Variants in CHST3 observed in about 807,000 individuals in gnomAD.
CHST3 encodes the protein carbohydrate sulfotransferase 3.
CHST3 carries 20 observed loss-of-function variants against 35.4 expected under a neutral mutation model. That is an observed-to-expected ratio of 0.57 (90% CI 0.40 to 0.82). The LOEUF (loss-of-function observed/expected upper bound fraction) is 0.82, where lower values mean the gene tolerates loss of function less well. Ranked by LOEUF, CHST3 falls within the 40% of genes least tolerant of loss-of-function variation. The pLI, the probability that CHST3 is intolerant of heterozygous loss-of-function variation, is 0.00. For synonymous variants in CHST3, 334 were observed against 295.9 expected (o/e 1.13, Z -1.32); for missense variants, 693 against 670.1 (o/e 1.03, Z -0.38).
At position 72,008,268 on chromosome 10, in the gene CHST3, G is replaced by T. The variant is rs1315027057; in HGVS notation, c.1237G>T (p.Gly413Cys). 3.8e-6 allele frequency: 6 copies of T among 1,582,996 alleles called. No individual in the cohort carries two copies. Among genetic ancestry groups the T allele is most frequent in the Non-Finnish European group, 5.1e-6 (6 of 1,165,190 alleles). The change falls in exon 3 of 3, where the codon GGC (glycine) becomes TGC (cysteine). Residue 413 changes from glycine to cysteine, a missense_variant. Coordinates refer to ENST00000373115, the MANE Select transcript of CHST3 (RefSeq NM_004273.5). Reference protein sequence around the residue: ...KNTQAAHDGSGIYSTQKNSSE... With the variant: ...KNTQAAHDGSCIYSTQKNSSE... The stretch of plus-strand genomic sequence containing the variant: ...CACGCAGGCGGCCCACGACGGCAGC[G>T]GCATCTACTCCACGCAGAAGAACTC...
chr10:71,972,020 C>T (rs902172973), intron 1 of CHST3, among the ~76,000 whole-genome samples: 6 of 151,984 alleles, frequency 3.9e-5, no homozygotes, highest in South Asian at 2.1e-4. Context: ...CTGGGGGTAG[C>T]GTGCCCAGGA....
intron 1 of CHST3, among the ~76,000 whole-genome samples, chr10:71,997,122 C>G (rs1479067953): frequency 1.3e-5 from 2 of 152,122 alleles, no homozygotes; most frequent in Non-Finnish European, 2.9e-5. Flanking sequence ...TAAGTACATT[C>G]ACACTGTTGG....
intron 1 of CHST3, among the ~76,000 whole-genome samples, chr10:72,000,639 G>A (rs1014631870): frequency 1.3e-5 from 2 of 152,164 alleles, no homozygotes; most frequent in African/African-American, 4.8e-5. Flanking sequence ...GGGTGAGCAG[G>A]GTCTGGATCT....
intron 1 of CHST3, among the ~76,000 whole-genome samples, chr10:72,004,058 C>T (rs531427357): frequency 1.6e-4 from 24 of 152,232 alleles, no homozygotes; most frequent in Non-Finnish European, 2.9e-4. Context: ...TGCCTATAAT[C>T]CCAGCTACTC....
intron 1 of CHST3, among the ~76,000 whole-genome samples, chr10:71,987,819 C>T (rs957628206): frequency 1.3e-5 from 2 of 151,912 alleles, no homozygotes; most frequent in Non-Finnish European, 2.9e-5. Context: ...TGATCATTCT[C>T]CAGGATCAGA....
chr10:72,008,243 C>G lies in CHST3; in HGVS notation c.1212C>G (p.Asn404Lys). The stretch of plus-strand genomic sequence containing the variant: ...AGGTGGAAGACTGGATCCAAAAGAA[C>G]ACGCAGGCGGCCCACGACGGCAGCG... ...TPQVEDWIQKNTQAAHDGSGI... is the reference protein window; with the variant it reads ...TPQVEDWIQKKTQAAHDGSGI... The change falls in exon 3 of 3, where the codon AAC (asparagine) becomes AAG (lysine). Residue 404 changes from asparagine (N) to lysine (K), a missense_variant. Physicochemically the swap from Asn to Lys is moderately conservative, Grantham distance 94. Coordinates refer to ENST00000373115, the MANE Select transcript of CHST3 (RefSeq NM_004273.5). 1.3e-6 allele frequency: 2 copies of G among 1,570,662 alleles called. No individual in the cohort carries two copies. Among genetic ancestry groups the G allele is most frequent in the Non-Finnish European group, 8.6e-7 (1 of 1,158,254 alleles).
At chr10:71,987,913 G>A (rs556312548) in intron 1 of CHST3, among the ~76,000 whole-genome samples, 3 of 152,200 alleles carry the variant, frequency 2.0e-5, no homozygotes, top group Admixed American at 6.5e-5. Flanking sequence ...TCTCTACCCG[G>A]TTATCTCAGA....
At chr10:71,997,895 T>G (rs1250118060) in intron 1 of CHST3, among the ~76,000 whole-genome samples, 7 of 152,114 alleles carry the variant, frequency 4.6e-5, no homozygotes, top group Non-Finnish European at 7.4e-5. Flanking sequence ...CTTGAACTCC[T>G]GACCTCGTGA....
At chr10:71,995,292 G>T (rs1446967822) in intron 1 of CHST3, among the ~76,000 whole-genome samples, 1 of 151,984 alleles carries the variant, frequency 6.6e-6, no homozygotes, top group Non-Finnish European at 1.5e-5. Flanking sequence ...TGGTGTGGTG[G>T]CAGGCACCCG....
chr10:71,995,108 G>C (rs1564529017), intron 1 of CHST3, among the ~76,000 whole-genome samples: 2 of 152,126 alleles, frequency 1.3e-5, no homozygotes. Context: ...GTGTTCACTA[G>C]AGTAGCCCTT....
rs774652828 is a variant in CHST3 at position 72,007,602 on chromosome 10, G to T, written c.571G>T (p.Val191Leu). The change falls in exon 3 of 3, where the codon GTG (valine) becomes TTG (leucine). Residue 191 changes from valine to leucine, a missense_variant. Val to Leu is a conservative substitution (Grantham distance 32, BLOSUM62 1). Transcript: ENST00000373115. ...GGGCTCGGCCCTGGTGTACCGCGAC[G>T]TGCTCAAGCAGCTCTTCCTGTGCGA... ...AAGSALVYRD[V>L]LKQLFLCDLY... is the part of the protein sequence containing the mutation. 1.2e-6 allele frequency: 2 copies of T among 1,609,928 alleles called. No individual in the cohort carries two copies. The highest frequency in any genetic ancestry group is 1.1e-5 in the South Asian group (1 of 90,926).
chr10:72,002,657 C>A (rs548976028), intron 1 of CHST3, among the ~76,000 whole-genome samples: 2 of 152,324 alleles, frequency 1.3e-5, no homozygotes, highest in Admixed American at 1.3e-4. Context: ...CAGCTCCAGA[C>A]AACCTGAGAT....
rs571119719 is a variant in CHST3 at position 72,011,039 on chromosome 10, A to C, written c.*2568A>C. 2 of 152,364 alleles carry C rather than the reference A, an allele frequency of 1.3e-5. No individual in the cohort carries two copies. Among genetic ancestry groups the C allele is most frequent in the Admixed American group, 1.3e-4 (2 of 15,304 alleles). The allele number at this position is 152,364 out of a possible 1,614,324, so 9.4% of individuals were successfully genotyped here. A position where few individuals can be genotyped will look rare whatever the true frequency, so the allele number is the denominator to read the frequency against. ...CTTAATTTATTTATTTTTTGAAAAGAAGAGACAGAAAATACCTTATTATCT... is the reference window on the plus strand; with the variant it reads ...CTTAATTTATTTATTTTTTGAAAAGCAGAGACAGAAAATACCTTATTATCT... On this transcript the variant is annotated 3_prime_UTR_variant, in exon 3 of 3. Coordinates refer to ENST00000373115, the MANE Select transcript of CHST3 (RefSeq NM_004273.5).
intron 1 of CHST3, among the ~76,000 whole-genome samples, chr10:71,996,489 C>T (rs72806235): frequency 0.017 from 2,595 of 149,852 alleles, 30 homozygotes; most frequent in Non-Finnish European, 0.025. Context: ...TGCATGTATA[C>T]ACCCACTTTT....
At chr10:71,980,030 G>A (rs1384045633) in intron 1 of CHST3, among the ~76,000 whole-genome samples, 1 of 152,190 alleles carries the variant, frequency 6.6e-6, no homozygotes, top group African/African-American at 2.4e-5. Context: ...CTACATGACT[G>A]TATCGGATGG....
At chr10:71,972,184 G>A (rs919959349) in intron 1 of CHST3, among the ~76,000 whole-genome samples, 22 of 152,142 alleles carry the variant, frequency 1.4e-4, no homozygotes, top group African/African-American at 5.3e-4. Flanking sequence ...TGGATAAGTT[G>A]CTGACATGCC....
chr10:71,984,009 T>C (rs541209924), intron 1 of CHST3, among the ~76,000 whole-genome samples: 1 of 152,324 alleles, frequency 6.6e-6, no homozygotes, highest in African/African-American at 2.4e-5. Context: ...CCCAAAATTC[T>C]GTAACGGGCC....
Position 72,010,495 on chromosome 10 carries a change from C to T in CHST3, c.*2024C>T, listed in dbSNP as rs1182060251. On this transcript the variant is annotated 3_prime_UTR_variant, in exon 3 of 3. Coordinates refer to ENST00000373115, the MANE Select transcript of CHST3 (RefSeq NM_004273.5). ...CCATTGGAGAAGGTGAGGCCAGTAA[C>T]CATCTCATGGGATTCGCTATAATCA... 3 of 152,160 alleles carry T rather than the reference C, an allele frequency of 2.0e-5. No individual in the cohort carries two copies. The highest frequency in any genetic ancestry group is 2.9e-5 in the Non-Finnish European group (2 of 68,036). 9.4% of individuals were successfully genotyped at this position (152,160 alleles called of 1,614,324 possible).
Position 71,972,767 on chromosome 10 carries a change from G to C in CHST3, c.-108+8073G>C, listed in dbSNP as rs2131738948. ...CTAATTTCCCAGACACACACACCCT[G>C]CTCTCTGTAGCCTTCCCAGCTGCCA... On this transcript the variant is annotated intron_variant, in intron 1 of 2. Coordinates refer to ENST00000373115, the MANE Select transcript of CHST3 (RefSeq NM_004273.5). 1.3e-5 allele frequency among the ~76,000 whole-genome samples: 2 copies of C among 152,292 alleles called. 1 individual carries two copies. Among genetic ancestry groups the C allele is most frequent in the Admixed American group, 1.3e-4 (2 of 15,304 alleles).
Sources: gnomAD v4.1 joint callset for allele counts (sites outside exome capture counted in the v4.1 genomes callset) on GRCh38, gnomAD v4.1.1 for gene constraint, MANE v1.5 for transcripts, NCBI Gene and HGNC (gene_info 2026-07-23, HGNC 2026-07-21) for gene names.